Variants in GPHB5 observed in about 807,000 individuals in gnomAD.
The protein encoded by GPHB5 is glycoprotein hormone subunit beta 5.
In GPHB5, 7 loss-of-function variants were observed where a neutral mutation model predicts 10.1. That is an observed-to-expected ratio of 0.69 (90% confidence interval 0.39 to 1.30). The LOEUF (loss-of-function observed/expected upper bound fraction) is 1.30. Ranked by LOEUF, GPHB5 falls within the 50% of genes most tolerant of loss-of-function variation. The pLI, the probability that GPHB5 is intolerant of heterozygous loss-of-function variation, is 0.01. For synonymous variants in GPHB5, 68 were observed against 70.1 expected (o/e 0.97, Z 0.15); for missense variants, 161 against 169.8 (o/e 0.95, Z 0.29).
intron 2 of GPHB5, among the ~76,000 whole-genome samples, chr14:63,316,429 C>T (rs1228611228): frequency 6.6e-6 from 1 of 152,178 alleles, no homozygotes; most frequent in Non-Finnish European, 1.5e-5. Flanking sequence ...TATTGAATGC[C>T]TTGTTCATAC....
Position 63,312,941 on chromosome 14 carries a change from C to T in GPHB5, c.380G>A (p.Cys127Tyr), listed in dbSNP as rs1362845242. 8 of 1,552,602 alleles carry T rather than the reference C, an allele frequency of 5.2e-6. No individual in the cohort carries two copies. Among genetic ancestry groups the T allele is most frequent in the Non-Finnish European group, 5.2e-6 (6 of 1,147,504 alleles). The change falls in exon 3 of 3, where the codon TGT becomes TAT. Residue 127 changes from cysteine to tyrosine, a missense_variant. By Grantham distance (194) the Cys-to-Tyr change is radical (BLOSUM62 -2). Transcript: ENST00000621500. ...CAGCTAGCGGCCTCAGATGGTCTCA[C>T]ACTCCGTGGTGGCAGTGGAGCAGGC... ...CGACSTATTECETI is the reference protein window; with the variant it reads ...CGACSTATTEYETI
chr14:63,316,932 T>C (rs112535862), intron 2 of GPHB5, among the ~76,000 whole-genome samples: 1 of 152,222 alleles, frequency 6.6e-6, no homozygotes, highest in Non-Finnish European at 1.5e-5. Flanking sequence ...TGTGATCTGC[T>C]GGGGTGCTGA....
chr14:63,313,716 C>T lies in GPHB5; in HGVS notation c.205-600G>A, dbSNP rs547247502. Among the ~76,000 whole-genome samples, 171 of 152,170 alleles carry T rather than the reference C, an allele frequency of 1.1e-3. 1 individual carries two copies. Among genetic ancestry groups the T allele is most frequent in the Non-Finnish European group, 7.8e-4 (53 of 68,024 alleles). Reference sequence around the variant, plus strand: ...CCTTTGCACTTACCGTTCCTTCTGCCTGGAACATTCTTCTCCCGTATGATT... The same window carrying T: ...CCTTTGCACTTACCGTTCCTTCTGCTTGGAACATTCTTCTCCCGTATGATT... On this transcript the variant is annotated intron_variant, in intron 2 of 2. Transcript: ENST00000621500.
intron 2 of GPHB5, among the ~76,000 whole-genome samples, chr14:63,317,346 T>C (rs960893225): frequency 6.6e-6 from 1 of 152,176 alleles, no homozygotes; most frequent in African/African-American, 2.4e-5. Flanking sequence ...AATCCCTCCA[T>C]GTCATCTGTA....
chr14:63,314,348 T>C (rs755280011), intron 2 of GPHB5, among the ~76,000 whole-genome samples: 12 of 152,080 alleles, frequency 7.9e-5, no homozygotes, highest in Non-Finnish European at 1.6e-4. Flanking sequence ...CCTCCCACCA[T>C]TGTTTGAGAG....
rs755904332 is a variant in GPHB5 at position 63,317,679 on chromosome 14, C to T, written c.171G>A (p.Thr57=). ...KPGCRGLRIT[T]DACWGRCETW... is the part of the protein sequence containing the mutation. ...TCTCACAGCGACCCCAGCAGGCATC[C>T]GTGGTGATCCGAAGGCCCCTGCAGC... Residue 57 remains threonine (T), a synonymous_variant, in exon 2 of 3, where the codon ACG becomes ACA. Transcript: ENST00000621500. 2.5e-6 allele frequency: 4 copies of T among 1,613,998 alleles called. No individual in the cohort carries two copies. The highest frequency in any genetic ancestry group is 2.5e-6 in the Non-Finnish European group (3 of 1,179,898).
At position 63,315,736 on chromosome 14, in the gene GPHB5, A is replaced by G. The variant is rs577611671; in HGVS notation, c.204+1910T>C. 1.1e-4 allele frequency among the ~76,000 whole-genome samples: 16 copies of G among 152,318 alleles called. No homozygotes were observed. In the South Asian group the frequency reaches 3.3e-3, roughly 32 times the overall value. On this transcript the variant is annotated intron_variant, in intron 2 of 2. Transcript: ENST00000621500. ...AACTTTCAGATTGCTGGGAAAATGA[A>G]TCTCATTCTTTTATTTATTTTCTAT...
intron 2 of GPHB5, among the ~76,000 whole-genome samples, chr14:63,315,068 A>G (rs1882749072): frequency 6.6e-6 from 1 of 151,910 alleles, no homozygotes; most frequent in Non-Finnish European, 1.5e-5. Flanking sequence ...ATGCCCGGCT[A>G]ATTTTTGTAT....
At chr14:63,313,165 G>T in intron 2 of GPHB5, 49 bp from the exon 3 acceptor site, 2 of 1,424,308 alleles carry the variant, frequency 1.4e-6, no homozygotes, top group Non-Finnish European at 1.9e-6. Flanking sequence ...ATATGATCTT[G>T]TTTCAGTTTT....
chr14:63,317,888 A>C, intron 1 of GPHB5, 38 bp from the exon 2 acceptor site: 1 of 1,591,700 alleles, frequency 6.3e-7, no homozygotes, highest in South Asian at 1.1e-5. Context: ...AGTTTAACAG[A>C]TCTGGCTGCC....
intron 1 of GPHB5, among the ~76,000 whole-genome samples, chr14:63,318,098 T>C (rs764298828): frequency 2.6e-5 from 4 of 152,234 alleles, no homozygotes; most frequent in African/African-American, 7.2e-5. Flanking sequence ...GGCTTTTCCT[T>C]ATTGTAACTT....
At chr14:63,313,240 T>C in intron 2 of GPHB5, 124 bp from the exon 3 acceptor site, 1 of 939,900 alleles carries the variant, frequency 1.1e-6, no homozygotes, top group Non-Finnish European at 1.6e-6. Flanking sequence ...TGCTCTGTCG[T>C]CTCCCAGTAG....
rs1436776455 is a variant in GPHB5 at position 63,318,856 on chromosome 14, G to A, written c.-34C>T. 1 of 152,188 alleles carries A rather than the reference G, an allele frequency of 6.6e-6. No homozygotes were observed. Among genetic ancestry groups the A allele is most frequent in the Non-Finnish European group, 1.5e-5 (1 of 68,030 alleles). The allele number at this position is 152,188 out of a possible 1,614,324, so 9.4% of individuals were successfully genotyped here. ...TGCAGGAGCCCACTCTTCTTTTAGA[G>A]CTGAAACTTGCACTAAGATTTCAGG... is the stretch of plus-strand genomic sequence containing the variant. On this transcript the variant is annotated 5_prime_UTR_variant, in exon 1 of 3. Transcript: ENST00000621500.
chr14:63,315,150 CATT>C (rs1818747093), intron 2 of GPHB5, among the ~76,000 whole-genome samples: 1 of 151,980 alleles, frequency 6.6e-6, no homozygotes, highest in Admixed American at 6.6e-5. Flanking sequence ...CTCCTGACCT[CATT>C]ATCCACCCAC....
chr14:63,312,931 G>C lies in GPHB5; in HGVS notation c.390C>G (p.Ile130Met), dbSNP rs1882693972. The C allele has an allele frequency of 6.4e-7, 1 of 1,552,008 alleles. No individual in the cohort carries two copies. The highest frequency in any genetic ancestry group is 1.4e-5 in the African/African-American group (1 of 73,206). The change falls in exon 3 of 3, where the codon ATC (isoleucine) becomes ATG (methionine). Residue 130 changes from isoleucine to methionine, a missense_variant. Physicochemically the swap from Ile to Met is conservative, Grantham distance 10. Coordinates refer to ENST00000621500, the MANE Select transcript of GPHB5 (RefSeq NM_145171.4). ...CSTATTECETI is the reference protein window; with the variant it reads ...CSTATTECETM ...CTGCAGAGAGCAGCTAGCGGCCTCA[G>C]ATGGTCTCACACTCCGTGGTGGCAG...
intron 2 of GPHB5, among the ~76,000 whole-genome samples, chr14:63,313,962 A>T (rs1882721377): frequency 2.0e-5 from 3 of 152,270 alleles, no homozygotes. Context: ...AAGCTCTTTT[A>T]GGACAGAGAT....
Position 63,317,680 on chromosome 14 carries a change from G to T in GPHB5, c.170C>A (p.Thr57Lys). Residue 57 changes from threonine (T) to lysine (K), a missense_variant, in exon 2 of 3, where the codon ACG (threonine) becomes AAG (lysine). Transcript: ENST00000621500. Reference sequence around the variant, plus strand: ...CTCACAGCGACCCCAGCAGGCATCCGTGGTGATCCGAAGGCCCCTGCAGCC... The same window carrying T: ...CTCACAGCGACCCCAGCAGGCATCCTTGGTGATCCGAAGGCCCCTGCAGCC... ...KPGCRGLRITTDACWGRCETW... is the reference protein window; with the variant it reads ...KPGCRGLRITKDACWGRCETW... 1 of 1,613,990 alleles carries T rather than the reference G, an allele frequency of 6.2e-7. No individual in the cohort carries two copies. Among genetic ancestry groups the T allele is most frequent in the Non-Finnish European group, 8.5e-7 (1 of 1,179,886 alleles).
intron 2 of GPHB5, among the ~76,000 whole-genome samples, chr14:63,314,790 G>C (rs1882740231): frequency 6.6e-6 from 1 of 151,612 alleles, no homozygotes; most frequent in South Asian, 2.1e-4. Context: ...CAGTACCTTT[G>C]CTTTTTGGTT....
chr14:63,317,609 T>C, intron 2 of GPHB5, 37 bp downstream of exon 2: 1 of 1,592,966 alleles, frequency 6.3e-7, no homozygotes, highest in Non-Finnish European at 8.6e-7. Context: ...GCTGCTGGCC[T>C]AGAAGACACT....
Sources: gnomAD v4.1 joint callset for allele counts (sites outside exome capture counted in the v4.1 genomes callset) on GRCh38, gnomAD v4.1.1 for gene constraint, MANE v1.5 for transcripts, NCBI Gene and HGNC (gene_info 2026-07-23, HGNC 2026-07-21) for gene names.